The following NAV2 variants were observed in gnomAD, a reference collection of about 807,000 sequenced individuals.
NAV2 encodes neuron navigator 2.
A neutral mutation model predicts 223.2 loss-of-function variants in NAV2; 54 were observed. The ratio of observed to expected loss-of-function variants is 0.24; its 90% CI spans 0.19 to 0.30. The LOEUF is 0.30. Ranked by LOEUF, NAV2 falls within the 10% of genes least tolerant of loss-of-function variation. The pLI, the probability that NAV2 is intolerant of heterozygous loss-of-function variation, is 1.00. For missense variants in NAV2, 2,806 were observed against 3,147.5 expected, an observed-to-expected ratio of 0.89 and a Z score of 2.60; for synonymous variants, 1,279 against 1,239.3, an observed-to-expected ratio of 1.03 and a Z score of -0.67.
At chr11:20,082,903 A>G (rs1592053621) in intron 25 of NAV2, 104 bp from the exon 26 acceptor site, 11 of 1,137,090 alleles carry the variant, frequency 9.7e-6, no homozygotes, top group South Asian at 1.6e-5. Context: ...GGTGGGGGGA[A>G]AAACATGGGA....
chr11:19,664,815 T>C (rs118043042), intron 1 of NAV2, among the ~76,000 whole-genome samples: 1 of 152,322 alleles, frequency 6.6e-6, no homozygotes, highest in Non-Finnish European at 1.5e-5. Context: ...TGGAAGAACA[T>C]GTATTGAACA....
At chr11:20,098,335 G>A (rs996993981) in intron 31 of NAV2, among the ~76,000 whole-genome samples, 1 of 152,214 alleles carries the variant, frequency 6.6e-6, no homozygotes, top group South Asian at 2.1e-4. Context: ...GTGTTTAGGG[G>A]ACAGGAGTGC....
chr11:19,624,178 A>G (rs1448651617), intron 1 of NAV2, among the ~76,000 whole-genome samples: 1 of 152,162 alleles, frequency 6.6e-6, no homozygotes, highest in East Asian at 1.9e-4. Context: ...GTCGGACCCT[A>G]CTGCGAGGTG....
chr11:20,024,853 T>A (rs189493322), intron 11 of NAV2, among the ~76,000 whole-genome samples: 1 of 152,332 alleles, frequency 6.6e-6, no homozygotes, highest in African/African-American at 2.4e-5. Flanking sequence ...CCCATTCTAC[T>A]TAGTTTTAAG....
intron 1 of NAV2, among the ~76,000 whole-genome samples, chr11:19,484,758 G>C (rs187759766): frequency 2.6e-4 from 39 of 152,320 alleles, no homozygotes; most frequent in African/African-American, 8.7e-4. Flanking sequence ...GCTGGGGTCA[G>C]GCAGAGAAAG....
intron 1 of NAV2, among the ~76,000 whole-genome samples, chr11:19,782,491 A>G (rs894162331): frequency 6.6e-6 from 1 of 152,080 alleles, no homozygotes; most frequent in African/African-American, 2.4e-5. Flanking sequence ...TTACTTATGC[A>G]ATTGTTTTTG....
chr11:19,527,249 C>T lies in NAV2; in HGVS notation c.75+176222C>T, dbSNP rs114447695. On this transcript the variant is annotated intron_variant, in intron 1 of 37. Transcript: ENST00000360655. ...ATCTGATGGTTTTATAAAGGGTTTC[C>T]CCTTTTGCGTGACTCTCATTCTCTG... 2.3e-3 allele frequency among the ~76,000 whole-genome samples: 356 copies of T among 152,108 alleles called. 1 individual carries two copies. Among genetic ancestry groups the T allele is most frequent in the African/African-American group, 8.4e-3 (348 of 41,490 alleles).
chr11:19,851,002 T>G (rs183199338), intron 3 of NAV2, among the ~76,000 whole-genome samples: 155 of 152,334 alleles, frequency 1.0e-3, no homozygotes, highest in Non-Finnish European at 1.9e-3. Context: ...CAGTAGCACC[T>G]TTGTCCCTGA....
intron 11 of NAV2, among the ~76,000 whole-genome samples, chr11:20,034,593 G>A (rs530593985): frequency 2.0e-5 from 3 of 152,156 alleles, no homozygotes; most frequent in Non-Finnish European, 4.4e-5. Context: ...TGTTGGCCAG[G>A]CTGGTCTCGA....
At chr11:19,962,877 G>A (rs1208911095) in intron 10 of NAV2, among the ~76,000 whole-genome samples, 1 of 152,210 alleles carries the variant, frequency 6.6e-6, no homozygotes, top group East Asian at 1.9e-4. Context: ...GACAGGGTCT[G>A]TGGTTATCTC....
At chr11:19,564,823 C>G (rs1454319790) in intron 1 of NAV2, among the ~76,000 whole-genome samples, 1 of 152,186 alleles carries the variant, frequency 6.6e-6, no homozygotes, top group Non-Finnish European at 1.5e-5. Context: ...GCCACGCAGC[C>G]AATGAGCAGC....
chr11:19,718,972 G>T (rs2152347876), intron 1 of NAV2, among the ~76,000 whole-genome samples: 1 of 152,294 alleles, frequency 6.6e-6, no homozygotes, highest in African/African-American at 2.4e-5. Context: ...TTTCAGAATA[G>T]CTAGGTTTGC....
At chr11:19,585,384 A>C (rs1172303338) in intron 1 of NAV2, among the ~76,000 whole-genome samples, 2 of 152,030 alleles carry the variant, frequency 1.3e-5, no homozygotes, top group Non-Finnish European at 2.9e-5. Flanking sequence ...TTTACATTTA[A>C]GTTAATATTG....
chr11:19,684,813 C>A (rs1264079131), intron 1 of NAV2, among the ~76,000 whole-genome samples: 1 of 152,208 alleles, frequency 6.6e-6, no homozygotes, highest in African/African-American at 2.4e-5. Context: ...GTTCTTCTCA[C>A]CCATCCTTCA....
At chr11:19,398,335 G>A (rs886387912) in intron 1 of NAV2, among the ~76,000 whole-genome samples, 3 of 152,060 alleles carry the variant, frequency 2.0e-5, no homozygotes, top group African/African-American at 4.8e-5. Flanking sequence ...AGGATGGTGC[G>A]AATGCATTCA....
At chr11:20,064,281 A>G (rs2058896885) in intron 20 of NAV2, among the ~76,000 whole-genome samples, 1 of 152,210 alleles carries the variant, frequency 6.6e-6, no homozygotes, top group African/African-American at 2.4e-5. Context: ...CACCATGGAT[A>G]TACCAGGCTC....
chr11:19,629,232 C>T (rs1223104551), intron 1 of NAV2, among the ~76,000 whole-genome samples: 1 of 152,098 alleles, frequency 6.6e-6, no homozygotes, highest in Non-Finnish European at 1.5e-5. Context: ...CCCATCAAGC[C>T]TCTGGAACTC....
chr11:19,488,658 A>G (rs2134055868), intron 1 of NAV2, among the ~76,000 whole-genome samples: 1 of 152,362 alleles, frequency 6.6e-6, no homozygotes, highest in East Asian at 1.9e-4. Context: ...TATTAAATTC[A>G]ATAATGCATA....
At chr11:20,040,185 C>T (rs559312498) in intron 12 of NAV2, among the ~76,000 whole-genome samples, 6 of 152,180 alleles carry the variant, frequency 3.9e-5, no homozygotes, top group South Asian at 4.2e-4. Context: ...CATCTAGATC[C>T]GCAAGGGATA....
Sources: gnomAD v4.1 joint callset for allele counts (sites outside exome capture counted in the v4.1 genomes callset) on GRCh38, gnomAD v4.1.1 for gene constraint, MANE v1.5 for transcripts, NCBI Gene and HGNC (gene_info 2026-07-23, HGNC 2026-07-21) for gene names.